The following IGF2BP3 variants were observed in gnomAD, a reference collection of about 807,000 sequenced individuals.
The protein encoded by IGF2BP3 is insulin like growth factor 2 mRNA binding protein 3, also known as insulin-like growth factor 2 mRNA-binding protein 3.
IGF2BP3 carries 9 observed loss-of-function variants against 73.8 expected under a neutral mutation model. The ratio of observed to expected loss-of-function variants is 0.12; its 90% CI spans 0.07 to 0.21. IGF2BP3 has a LOEUF of 0.21. IGF2BP3 is among the 10% of genes least tolerant of loss of function. IGF2BP3 has a pLI of 1.00. For synonymous variants in IGF2BP3, 258 were observed against 256.7 expected (o/e 1.01, Z -0.05); for missense variants, 542 against 714.0 (o/e 0.76, Z 2.75).
chr7:23,458,759 A>C (rs1788377913), intron 2 of IGF2BP3, among the ~76,000 whole-genome samples: 1 of 152,276 alleles, frequency 6.6e-6, no homozygotes, highest in Non-Finnish European at 1.5e-5. Context: ...TGGGGCACAG[A>C]CTACCTGTAT....
At chr7:23,324,299 G>A (rs1185671041) in intron 10 of IGF2BP3, among the ~76,000 whole-genome samples, 30 of 151,426 alleles carry the variant, frequency 2.0e-4, no homozygotes, top group African/African-American at 4.1e-4. Flanking sequence ...ACACCTCTAC[G>A]CAAATAAACT....
chr7:23,339,764 C>T (rs1423808838), intron 10 of IGF2BP3, among the ~76,000 whole-genome samples: 2 of 152,150 alleles, frequency 1.3e-5, no homozygotes, highest in Admixed American at 1.3e-4. Flanking sequence ...TTTCCTAGCA[C>T]AGAGTTACGT....
chr7:23,312,773 C>G lies in IGF2BP3; in HGVS notation c.1603G>C (p.Val535Leu). The G allele has an allele frequency of 6.2e-7, 1 of 1,611,984 alleles. No homozygotes were observed. The highest frequency in any genetic ancestry group is 8.5e-7 in the Non-Finnish European group (1 of 1,179,438). Reference sequence around the variant, plus strand: ...AAGTGACCAGTTATTTTGACAACCACTTGGTCATTCTCATCAGGTGTCTGG... The same window carrying G: ...AAGTGACCAGTTATTTTGACAACCAGTTGGTCATTCTCATCAGGTGTCTGG... ...RDQTPDENDQVVVKITGHFYA... is the reference protein window; with the variant it reads ...RDQTPDENDQLVVKITGHFYA... The change falls in exon 14 of 15, where the codon GTG becomes CTG. Residue 535 changes from valine to leucine, a missense_variant. Val to Leu is a conservative substitution (Grantham distance 32, BLOSUM62 1). Coordinates refer to ENST00000258729, the MANE Select transcript of IGF2BP3 (RefSeq NM_006547.3).
At chr7:23,392,370 T>C (rs1210234237) in intron 3 of IGF2BP3, among the ~76,000 whole-genome samples, 1 of 144,904 alleles carries the variant, frequency 6.9e-6, no homozygotes, top group African/African-American at 2.6e-5. Context: ...ATTCAGTAAG[T>C]AGTGCTGTCA....
chr7:23,339,867 C>A (rs922034636), intron 10 of IGF2BP3, among the ~76,000 whole-genome samples: 4 of 152,178 alleles, frequency 2.6e-5, no homozygotes, highest in African/African-American at 9.7e-5. Flanking sequence ...ATGACACACA[C>A]ATAAACTAGT....
intron 3 of IGF2BP3, among the ~76,000 whole-genome samples, chr7:23,417,324 G>A (rs895323201): frequency 2.0e-5 from 3 of 151,984 alleles, no homozygotes; most frequent in African/African-American, 4.8e-5. Context: ...TTTATCTTGC[G>A]TGCCCATATT....
At chr7:23,314,494 A>G (rs1783923998) in intron 12 of IGF2BP3, among the ~76,000 whole-genome samples, 1 of 151,534 alleles carries the variant, frequency 6.6e-6, no homozygotes, top group Non-Finnish European at 1.5e-5. Context: ...TAATTTTTAT[A>G]GAGATGGGGG....
chr7:23,418,246 T>C (rs553905399), intron 3 of IGF2BP3, among the ~76,000 whole-genome samples: 12 of 152,338 alleles, frequency 7.9e-5, no homozygotes, highest in Middle Eastern at 3.4e-3. Context: ...CTTCAACTAC[T>C]GGTGTCTCAG....
intron 3 of IGF2BP3, among the ~76,000 whole-genome samples, chr7:23,388,550 G>C (rs1343172806): frequency 6.6e-6 from 1 of 150,850 alleles, no homozygotes; most frequent in African/African-American, 2.4e-5. Flanking sequence ...GTTTCAAGGG[G>C]AACAGAGATA....
intron 10 of IGF2BP3, among the ~76,000 whole-genome samples, chr7:23,328,479 T>A (rs1031330064): frequency 6.6e-6 from 1 of 152,224 alleles, no homozygotes; most frequent in African/African-American, 2.4e-5. Context: ...CTACTTTTTT[T>A]AAACAACTTT....
chr7:23,330,947 A>G (rs1481979862), intron 10 of IGF2BP3, among the ~76,000 whole-genome samples: 1 of 151,938 alleles, frequency 6.6e-6, no homozygotes, highest in Non-Finnish European at 1.5e-5. Context: ...ACAGGTGCAC[A>G]CCACCATGCC....
intron 3 of IGF2BP3, among the ~76,000 whole-genome samples, chr7:23,378,569 G>GTTT (rs1156868701): frequency 0.02 from 1,317 of 65,854 alleles, 118 homozygotes; most frequent in African/African-American, 0.053. Flanking sequence ...ATTTTTGCTT[G>GTTT]TTTTTTTTTT....
intron 10 of IGF2BP3, among the ~76,000 whole-genome samples, chr7:23,330,137 T>A (rs1480735258): frequency 6.6e-6 from 1 of 151,450 alleles, no homozygotes; most frequent in East Asian, 1.9e-4. Context: ...ATACAAAAAA[T>A]AAGCCAGGCA....
At chr7:23,466,065 A>T (rs1788560623) in intron 2 of IGF2BP3, among the ~76,000 whole-genome samples, 1 of 150,002 alleles carries the variant, frequency 6.7e-6, no homozygotes, top group East Asian at 1.9e-4. Context: ...GCTCTTGTTC[A>T]GGCTGGAGTG....
At chr7:23,384,304 G>C (rs942422501) in intron 3 of IGF2BP3, among the ~76,000 whole-genome samples, 2 of 151,932 alleles carry the variant, frequency 1.3e-5, no homozygotes, top group African/African-American at 2.4e-5. Context: ...GGGTTCAGTG[G>C]GGGGAAAGAA....
chr7:23,439,554 CAAAAAAA>C (rs11332929), intron 2 of IGF2BP3, among the ~76,000 whole-genome samples: 3 of 56,724 alleles, frequency 5.3e-5, no homozygotes, highest in African/African-American at 6.5e-5. Context: ...GACTCCGTCT[CAAAAAAA>C]AAAAAAAAAA....
chr7:23,430,584 A>G (rs1168103940), intron 2 of IGF2BP3, among the ~76,000 whole-genome samples: 2 of 152,216 alleles, frequency 1.3e-5, no homozygotes, highest in East Asian at 1.9e-4. Flanking sequence ...GCTAATTTCA[A>G]TATGGCTATA....
At position 23,470,159 on chromosome 7, in the gene IGF2BP3, T is replaced by G; in HGVS notation, c.-49A>C. The G allele has an allele frequency of 6.6e-7, 1 of 1,505,320 alleles. No individual in the cohort carries two copies. The highest frequency in any genetic ancestry group is 1.2e-5 in the South Asian group (1 of 81,346). The allele number at this position is 1,505,320 out of a possible 1,614,324, so 93.2% of individuals were successfully genotyped here. A position where few individuals can be genotyped will look rare whatever the true frequency, so the allele number is the denominator to read the frequency against. ...AAAATAACGAGAAAAAACGAAAAAT[T>G]AAAACCACCCACGGTGATGGATGGA... On this transcript the variant is annotated 5_prime_UTR_variant, in exon 1 of 15. Transcript: ENST00000258729.
intron 12 of IGF2BP3, among the ~76,000 whole-genome samples, chr7:23,317,219 T>A (rs1404642207): frequency 6.6e-6 from 1 of 152,116 alleles, no homozygotes; most frequent in African/African-American, 2.4e-5. Context: ...GAGAGATTTG[T>A]AGAGTCTATG....
Sources: allele counts gnomAD v4.1 joint callset (sites outside exome capture counted in the v4.1 genomes callset), GRCh38; gene constraint gnomAD v4.1.1; transcripts MANE v1.5; gene names NCBI Gene and HGNC (gene_info 2026-07-23, HGNC 2026-07-21).